Variants in CSPP1 observed in about 807,000 individuals in gnomAD.
CSPP1 encodes the protein centrosome and spindle pole-associated protein 1.
CSPP1 carries 126 observed loss-of-function variants against 164.4 expected under a neutral mutation model. That is an observed-to-expected ratio of 0.77 (90% CI 0.66 to 0.89). CSPP1 has a LOEUF of 0.89. Among genes scored for constraint, CSPP1 ranks in the 40% least tolerant of loss-of-function variants. CSPP1 has a pLI of 0.00. For synonymous variants in CSPP1, 472 were observed against 476.7 expected, an observed-to-expected ratio of 0.99 and a Z score of 0.13; for missense variants, 1,395 against 1,449.8, an observed-to-expected ratio of 0.96 and a Z score of 0.61.
In CSPP1 at chr8:67,172,506, C is replaced by T. The variant is rs759957152; in HGVS notation, c.2919C>T (p.Asp973=). Residue 973 remains aspartate, a synonymous_variant, in exon 25 of 31, where the codon GAC becomes GAT. Transcript: ENST00000678616. ...GAAGACAGTCCCCTAAGGGCTTAGACGCTGCCACTTTTCAGAATGTTCATG... is the reference window on the plus strand; with the variant it reads ...GAAGACAGTCCCCTAAGGGCTTAGATGCTGCCACTTTTCAGAATGTTCATG... ...PVRRQSPKGL[D]AATFQNVHDF... 1.1e-5 allele frequency: 18 copies of T among 1,613,514 alleles called. No individual in the cohort carries two copies. The highest frequency in any genetic ancestry group is 3.3e-5 in the South Asian group (3 of 91,040).
At chr8:67,077,439 G>A (rs988539526) in intron 3 of CSPP1, among the ~76,000 whole-genome samples, 1 of 152,028 alleles carries the variant, frequency 6.6e-6, no homozygotes. Context: ...AGGTTCAGGC[G>A]ATTCTCCTGT....
Position 67,105,951 on chromosome 8 carries a change from A to G in CSPP1, c.1069A>G (p.Ser357Gly). The G allele has an allele frequency of 2.5e-6, 4 of 1,593,240 alleles. No homozygotes were observed. The highest frequency in any genetic ancestry group is 3.4e-6 in the Non-Finnish European group (4 of 1,161,212). ...TSKSANQDTCSPFAGMLFGGE... is the reference protein window; with the variant it reads ...TSKSANQDTCGPFAGMLFGGE... ...CAAATCTGCTAATCAAGATACCTGT[A>G]GTCCTTTTGCAGGGATGCTCTTTGG... Residue 357 changes from serine (S) to glycine (G), a missense_variant, in exon 9 of 31, where the codon AGT becomes GGT. Coordinates refer to ENST00000678616, the MANE Select transcript of CSPP1 (RefSeq NM_001382391.1).
At chr8:67,088,050 A>G (rs1405058710) in intron 4 of CSPP1, among the ~76,000 whole-genome samples, 1 of 152,190 alleles carries the variant, frequency 6.6e-6, no homozygotes, top group African/African-American at 2.4e-5. Flanking sequence ...TTCGTGTTCC[A>G]GCCTGACTCC....
chr8:67,178,613 G>T (rs542956787), intron 27 of CSPP1, among the ~76,000 whole-genome samples: 177 of 152,278 alleles, frequency 1.2e-3, no homozygotes, highest in Middle Eastern at 3.4e-3. Flanking sequence ...AAATACAGTG[G>T]GCATGGGGGC....
intron 17 of CSPP1, among the ~76,000 whole-genome samples, chr8:67,146,428 G>T (rs1287863445): frequency 6.6e-6 from 1 of 152,062 alleles, no homozygotes; most frequent in Non-Finnish European, 1.5e-5. Flanking sequence ...CAGCTGGAGA[G>T]AATATACTTT....
At chr8:67,173,186 G>A (rs1157797392) in intron 25 of CSPP1, among the ~76,000 whole-genome samples, 2 of 152,228 alleles carry the variant, frequency 1.3e-5, no homozygotes, top group South Asian at 2.1e-4. Flanking sequence ...GAATGTGAAC[G>A]TGAGGAGCTA....
intron 9 of CSPP1, 29 bp from the exon 10 acceptor site, chr8:67,111,943 G>T: frequency 7.2e-7 from 1 of 1,389,214 alleles, no homozygotes; most frequent in South Asian, 1.2e-5. Context: ...TAAGAGTTAA[G>T]ATTGTATTTT....
At chr8:67,120,860 CTT>C (rs943972260) in intron 15 of CSPP1, among the ~76,000 whole-genome samples, 2 of 145,172 alleles carry the variant, frequency 1.4e-5, no homozygotes, top group Admixed American at 6.9e-5. Flanking sequence ...TTCTTTCTTT[CTT>C]TTTTTTTTTG....
intron 30 of CSPP1, 75 bp downstream of exon 30, chr8:67,193,677 T>A: frequency 7.6e-7 from 1 of 1,321,080 alleles, no homozygotes; most frequent in Non-Finnish European, 1.1e-6. Flanking sequence ...AGGCTTTCAC[T>A]AACGTCTGAG....
intron 28 of CSPP1, among the ~76,000 whole-genome samples, chr8:67,187,699 T>G (rs776265191): frequency 2.0e-5 from 3 of 151,798 alleles, no homozygotes; most frequent in Admixed American, 6.6e-5. Flanking sequence ...AAGAAAGAAA[T>G]AGACTCACGC....
Position 67,164,382 on chromosome 8 carries a change from A to G in CSPP1, c.2711-9A>G. ...GTCTTGTGTTTTACTTATCAATGGG[A>G]ATTTGCAGAGGAGAAAAAAAATGTA... On this transcript the variant is annotated splice_polypyrimidine_tract_variant and intron_variant, in intron 23 of 30. Transcript: ENST00000678616. The G allele has an allele frequency of 3.1e-6, 4 of 1,291,306 alleles. No homozygotes were observed. Among genetic ancestry groups the G allele is most frequent in the Non-Finnish European group, 4.5e-6 (4 of 887,516 alleles). 80.0% of individuals were successfully genotyped at this position (1,291,306 alleles called of 1,614,324 possible).
chr8:67,137,592 G>A lies in CSPP1; in HGVS notation c.1964G>A (p.Gly655Glu). The change falls in exon 17 of 31, where the codon GGA becomes GAA. Residue 655 changes from glycine (G) to glutamate (E), a missense_variant. Transcript: ENST00000678616. ...GGTGCTCCTCTCAGGGATGCAAAAGGAAATCTGATAAGTACGTTATTTCTA... is the reference window on the plus strand; with the variant it reads ...GGTGCTCCTCTCAGGGATGCAAAAGAAAATCTGATAAGTACGTTATTTCTA... ...GGGAPLRDAK[G>E]NLITDLNRMH... 6.5e-7 allele frequency: 1 copy of A among 1,542,834 alleles called. No individual in the cohort carries two copies. The highest frequency in any genetic ancestry group is 8.7e-7 in the Non-Finnish European group (1 of 1,149,246).
chr8:67,110,810 G>A (rs1181158807), intron 9 of CSPP1, among the ~76,000 whole-genome samples: 1 of 152,052 alleles, frequency 6.6e-6, no homozygotes, highest in African/African-American at 2.4e-5. Context: ...CCAGTATCTG[G>A]AAAACAATTA....
chr8:67,100,952 G>A (rs1458780777), intron 7 of CSPP1, among the ~76,000 whole-genome samples: 2 of 152,178 alleles, frequency 1.3e-5, no homozygotes, highest in East Asian at 1.9e-4. Context: ...AGGACTTTGG[G>A]TATAGTTGTA....
At chr8:67,075,354 C>G (rs951784580) in intron 2 of CSPP1, among the ~76,000 whole-genome samples, 6 of 152,112 alleles carry the variant, frequency 3.9e-5, no homozygotes, top group African/African-American at 7.2e-5. Flanking sequence ...CCTGGTTTAC[C>G]TGTTGTCCAG....
intron 26 of CSPP1, among the ~76,000 whole-genome samples, chr8:67,177,405 T>C (rs1024729775): frequency 1.3e-5 from 2 of 152,208 alleles, no homozygotes; most frequent in Non-Finnish European, 2.9e-5. Context: ...TGAAGGATCC[T>C]GCATTGATCA....
intron 9 of CSPP1, among the ~76,000 whole-genome samples, chr8:67,108,825 CT>C (rs1816212088): frequency 6.6e-6 from 1 of 152,164 alleles, no homozygotes; most frequent in African/African-American, 2.4e-5. Flanking sequence ...TGCCCTTCCC[CT>C]AACAGTAACA....
At chr8:67,146,122 CTTT>C (rs939978795) in intron 17 of CSPP1, among the ~76,000 whole-genome samples, 4 of 125,116 alleles carry the variant, frequency 3.2e-5, no homozygotes, top group Admixed American at 1.6e-4. Flanking sequence ...ATATACTTTT[CTTT>C]TTTTTTTTTT....
In CSPP1 at chr8:67,095,598, T is replaced by C. The variant is rs2129545515; in HGVS notation, c.789T>C (p.Phe263=). ...AGIPDRRFHR[F]NEDRVFDRRY... is the part of the protein sequence containing the mutation. Reference sequence around the variant, plus strand: ...TTCCAGATAGAAGATTTCACAGATTTAATGAGGATCGTGTTTTTGATAGAC... The same window carrying C: ...TTCCAGATAGAAGATTTCACAGATTCAATGAGGATCGTGTTTTTGATAGAC... Residue 263 remains phenylalanine, a synonymous_variant, in exon 7 of 31, where the codon TTT becomes TTC. Transcript: ENST00000678616. 6.2e-7 allele frequency: 1 copy of C among 1,614,002 alleles called. No homozygotes were observed. The highest frequency in any genetic ancestry group is 8.5e-7 in the Non-Finnish European group (1 of 1,179,968).
Sources: gnomAD v4.1 joint callset for allele counts (sites outside exome capture counted in the v4.1 genomes callset) on GRCh38, gnomAD v4.1.1 for gene constraint, MANE v1.5 for transcripts, NCBI Gene and HGNC (gene_info 2026-07-23, HGNC 2026-07-21) for gene names.